Variants in TEAD1 observed in about 807,000 individuals in gnomAD.
TEAD1 encodes TEA domain transcription factor 1, also known as transcriptional enhancer factor TEF-1.
TEAD1 carries 9 observed loss-of-function variants against 54.9 expected under a neutral mutation model. That is an observed-to-expected ratio of 0.16 (90% confidence interval 0.10 to 0.29). The LOEUF is 0.29. TEAD1 is among the 10% of genes least tolerant of loss of function. The pLI is 1.00. For synonymous variants in TEAD1, 200 were observed against 187.8 expected (o/e 1.07, Z -0.53); for missense variants, 387 against 535.9 (o/e 0.72, Z 2.74).
intron 10 of TEAD1, among the ~76,000 whole-genome samples, chr11:12,916,573 C>T (rs1174897150): frequency 6.6e-6 from 1 of 152,126 alleles, no homozygotes; most frequent in Non-Finnish European, 1.5e-5. Context: ...TGCATTATCT[C>T]CTCATATTAC....
chr11:12,937,662 C>T lies in TEAD1; in HGVS notation c.*440C>T, dbSNP rs1001476188. 6.5e-6 allele frequency: 1 copy of T among 153,312 alleles called. No homozygotes were observed. Among genetic ancestry groups the T allele is most frequent in the Non-Finnish European group, 1.5e-5 (1 of 68,582 alleles). The allele number at this position is 153,312 out of a possible 1,614,324, so 9.5% of individuals were successfully genotyped here. ...AACATAAAATTCTTGTTTTAAGATA[C>T]AAGTAAAATTAATCTTTAAATATAA... On this transcript the variant is annotated 3_prime_UTR_variant, in exon 13 of 13. Transcript: ENST00000527636.
chr11:12,847,257 G>T (rs979554936), intron 3 of TEAD1, among the ~76,000 whole-genome samples: 3 of 152,196 alleles, frequency 2.0e-5, no homozygotes, highest in African/African-American at 7.2e-5. Flanking sequence ...CAGAGGTTGG[G>T]AGGATGGAGT....
intron 11 of TEAD1, among the ~76,000 whole-genome samples, chr11:12,929,147 G>T (rs1399235809): frequency 6.9e-6 from 1 of 144,482 alleles, no homozygotes; most frequent in African/African-American, 2.5e-5. Context: ...TATCTGCTGT[G>T]TTTTCTTTGC....
intron 3 of TEAD1, among the ~76,000 whole-genome samples, chr11:12,845,881 T>C (rs1462814825): frequency 3.3e-5 from 5 of 152,194 alleles, no homozygotes; most frequent in Non-Finnish European, 7.3e-5. Flanking sequence ...CAGAGTTTGC[T>C]CAGCATACCA....
intron 3 of TEAD1, among the ~76,000 whole-genome samples, chr11:12,774,857 A>G (rs185486799): frequency 1.3e-5 from 2 of 152,272 alleles, no homozygotes; most frequent in East Asian, 3.9e-4. Flanking sequence ...GATGAGAGCA[A>G]TAGACACGGG....
intron 10 of TEAD1, among the ~76,000 whole-genome samples, chr11:12,920,247 A>G (rs1340236504): frequency 6.6e-6 from 1 of 152,234 alleles, no homozygotes; most frequent in African/African-American, 2.4e-5. Flanking sequence ...TTAAGCATGG[A>G]ACCTCGTACA....
At chr11:12,738,714 C>T (rs1944586289) in intron 2 of TEAD1, among the ~76,000 whole-genome samples, 1 of 152,182 alleles carries the variant, frequency 6.6e-6, no homozygotes, top group Non-Finnish European at 1.5e-5. Flanking sequence ...TCTGTATTTA[C>T]TTGCCTTGCT....
At position 12,895,440 on chromosome 11, in the gene TEAD1, C is replaced by T. The variant is rs369883909; in HGVS notation, c.700-6500C>T. ...ACTGGTGCAACATCTTTTTGGTGAA[C>T]CCTACCTGCAGACAAGCGTCCCAGC... On this transcript the variant is annotated intron_variant, in intron 9 of 12. Coordinates refer to ENST00000527636, the MANE Select transcript of TEAD1 (RefSeq NM_021961.6). Among the ~76,000 whole-genome samples the T allele has an allele frequency of 4.6e-5, 7 of 152,242 alleles. 1 individual carries two copies. The highest frequency in any genetic ancestry group is 3.9e-4 in the East Asian group (2 of 5,180).
At chr11:12,696,086 T>C (rs1434402593) in intron 2 of TEAD1, among the ~76,000 whole-genome samples, 1 of 152,246 alleles carries the variant, frequency 6.6e-6, no homozygotes, top group Non-Finnish European at 1.5e-5. Flanking sequence ...AGGCTCTGAC[T>C]GTACAGCTGT....
chr11:12,738,516 C>A (rs1218756903), intron 2 of TEAD1, among the ~76,000 whole-genome samples: 1 of 152,166 alleles, frequency 6.6e-6, no homozygotes, highest in Non-Finnish European at 1.5e-5. Context: ...ACACCTGAAT[C>A]TTAGCCCCGG....
Position 12,840,246 on chromosome 11 carries a change from C to CAAAAAAAAAAAAAAAAAAA in TEAD1, c.203-21988_203-21987insAAAAAAAAAAAAAAAAAAA, listed in dbSNP as rs1176865272. Among the ~76,000 whole-genome samples, 44 of 31,540 alleles carry CAAAAAAAAAAAAAAAAAAA rather than the reference C, an allele frequency of 1.4e-3. 2 individuals carry two copies. The highest frequency in any genetic ancestry group is 4.5e-3 in the East Asian group (5 of 1,100). The allele number at this position is 31,540 out of a possible 152,430, so 20.7% of individuals were successfully genotyped here. A position where few individuals can be genotyped will look rare whatever the true frequency, so the allele number is the denominator to read the frequency against. ...TGGGCGACAGAGCGAGACTCTGCCT[C>CAAAAAAAAAAAAAAAAAAA]AAAAAAAAAAAAAAAAGAAAAAAAA... On this transcript the variant is annotated intron_variant, in intron 3 of 12. Coordinates refer to ENST00000527636, the MANE Select transcript of TEAD1 (RefSeq NM_021961.6).
At chr11:12,924,698 C>A (rs942704311) in intron 10 of TEAD1, among the ~76,000 whole-genome samples, 1 of 152,110 alleles carries the variant, frequency 6.6e-6, no homozygotes, top group Non-Finnish European at 1.5e-5. Flanking sequence ...AAAATTGATA[C>A]TTGTAGCATG....
intron 10 of TEAD1, chr11:12,922,793 G>C (rs1336628909): frequency 6.6e-6 from 1 of 151,848 alleles, no homozygotes; most frequent in Non-Finnish European, 1.5e-5. Context: ...GTTGGGCGTG[G>C]TGGCACATGC....
At chr11:12,720,885 C>T (rs1320006432) in intron 2 of TEAD1, among the ~76,000 whole-genome samples, 12 of 152,210 alleles carry the variant, frequency 7.9e-5, no homozygotes, top group African/African-American at 1.7e-4. Context: ...GAAAATGTGA[C>T]TCTCTGACCA....
intron 12 of TEAD1, among the ~76,000 whole-genome samples, chr11:12,932,099 G>A (rs1949022036): frequency 6.6e-6 from 1 of 152,202 alleles, no homozygotes; most frequent in African/African-American, 2.4e-5. Context: ...AATCTTAATG[G>A]GTTCTCAGAT....
chr11:12,757,133 C>T (rs1352915660), intron 2 of TEAD1, among the ~76,000 whole-genome samples: 2 of 152,210 alleles, frequency 1.3e-5, no homozygotes, highest in Admixed American at 6.5e-5. Context: ...TGACTTCTCT[C>T]TCCTCCTGGG....
chr11:12,730,694 C>CTTTTTTTTTT (rs71313457), intron 2 of TEAD1, among the ~76,000 whole-genome samples: 1 of 65,664 alleles, frequency 1.5e-5, no homozygotes, highest in East Asian at 4.9e-4. Flanking sequence ...CTACATAGCT[C>CTTTTTTTTTT]TTTTTTTTTT....
intron 2 of TEAD1, among the ~76,000 whole-genome samples, chr11:12,717,765 T>C (rs1416494610): frequency 6.6e-6 from 1 of 152,208 alleles, no homozygotes; most frequent in Non-Finnish European, 1.5e-5. Context: ...ATTCTAGTCC[T>C]CAGGTGAGGT....
chr11:12,860,790 A>G (rs1241556066), intron 3 of TEAD1, among the ~76,000 whole-genome samples: 1 of 152,236 alleles, frequency 6.6e-6, no homozygotes, highest in East Asian at 1.9e-4. Context: ...TTATAAATAC[A>G]GTTACAGTTT....
Sources: gnomAD v4.1 joint callset for allele counts (sites outside exome capture counted in the v4.1 genomes callset) on GRCh38, gnomAD v4.1.1 for gene constraint, MANE v1.5 for transcripts, NCBI Gene and HGNC (gene_info 2026-07-23, HGNC 2026-07-21) for gene names.